The following GPR89A variants were observed in gnomAD, a reference collection of about 807,000 sequenced individuals.
GPR89A encodes G protein-coupled receptor 89A.
Under a neutral mutation model 52.0 loss-of-function variants are expected in GPR89A, and 16 were observed. The ratio of observed to expected loss-of-function variants is 0.31; its 90% confidence interval spans 0.21 to 0.47. GPR89A has a LOEUF of 0.47. GPR89A is among the 20% of genes least tolerant of loss of function. The pLI is 1.00. For missense variants in GPR89A, 135 were observed against 449.4 expected (o/e 0.30, Z 6.33); for synonymous variants, 55 against 150.9 (o/e 0.36, Z 4.66).
rs1208945683 is a variant in GPR89A at position 145,659,476 on chromosome 1, C to T, written c.910-3853C>T. Among the ~76,000 whole-genome samples the T allele has an allele frequency of 2.5e-4, 38 of 151,936 alleles. 2 individuals carry two copies. In the Middle Eastern group the frequency reaches 0.014, roughly 54 times the overall value. On this transcript the variant is annotated intron_variant, in intron 10 of 13. Transcript: ENST00000313835. ...CTAGGATTACAGGCATGAGCCACTG[C>T]GACCGGCCTATGTTTAACCTTTTAA... is the stretch of plus-strand genomic sequence containing the variant.
intron 7 of GPR89A, among the ~76,000 whole-genome samples, chr1:145,642,924 C>T (rs1553691958): frequency 6.6e-6 from 1 of 152,066 alleles, no homozygotes; most frequent in African/African-American, 2.4e-5. Context: ...CGGTCCTCCA[C>T]AGACTGAGAG....
At chr1:145,609,061 C>A (rs1648056079) in intron 1 of GPR89A, among the ~76,000 whole-genome samples, 1 of 152,194 alleles carries the variant, frequency 6.6e-6, no homozygotes, top group Non-Finnish European at 1.5e-5. Flanking sequence ...TGCAGGCATT[C>A]AATAAATAAT....
At chr1:145,614,301 C>T (rs1349205002) in intron 1 of GPR89A, among the ~76,000 whole-genome samples, 2 of 152,034 alleles carry the variant, frequency 1.3e-5, no homozygotes, top group African/African-American at 4.8e-5. Flanking sequence ...GTTTGGTCTC[C>T]CTCTTTCATA....
chr1:145,628,172 C>T (rs2101763773), intron 5 of GPR89A, among the ~76,000 whole-genome samples: 1 of 151,528 alleles, frequency 6.6e-6, no homozygotes, highest in South Asian at 2.1e-4. Context: ...GGAATCTAAA[C>T]AACTAGAAAT....
At chr1:145,608,340 T>A in intron 1 of GPR89A, 165 bp downstream of exon 1, 1 of 1,144,712 alleles carries the variant, frequency 8.7e-7, no homozygotes, top group Non-Finnish European at 1.3e-6. Flanking sequence ...TGCGGCCGGT[T>A]CCCTCAGCCC....
intron 10 of GPR89A, among the ~76,000 whole-genome samples, chr1:145,649,840 T>C (rs1462776869): frequency 3.3e-5 from 5 of 151,994 alleles, no homozygotes; most frequent in African/African-American, 1.2e-4. Flanking sequence ...TATTAGACAT[T>C]CTAATAGATA....
At chr1:145,668,438 C>A (rs1652725781) in intron 12 of GPR89A, among the ~76,000 whole-genome samples, 3 of 152,160 alleles carry the variant, frequency 2.0e-5, no homozygotes, top group African/African-American at 4.8e-5. Context: ...TGAGACTTTG[C>A]TGAAGTTGCT....
intron 10 of GPR89A, among the ~76,000 whole-genome samples, chr1:145,660,621 C>A (rs1424143814): frequency 6.6e-6 from 1 of 152,040 alleles, no homozygotes; most frequent in Non-Finnish European, 1.5e-5. Context: ...AAAAAACAAA[C>A]AACCCCATCA....
rs1225558699 is a variant in GPR89A, at chr1:145,667,174, A to G, written c.1095+1523A>G. On this transcript the variant is annotated intron_variant, in intron 12 of 13. Transcript: ENST00000313835. ...AGGAATTGCCACACTGCCTTCCACA[A>G]TGGTTGAACTAGTTTACAGTCCCAC... Among the ~76,000 whole-genome samples, 7 of 152,278 alleles carry G rather than the reference A, an allele frequency of 4.6e-5. No homozygotes were observed. The Middle Eastern group carries it at 0.014, about 296-fold the overall frequency.
chr1:145,667,859 T>C (rs199549852), intron 12 of GPR89A, among the ~76,000 whole-genome samples: 89 of 151,036 alleles, frequency 5.9e-4, no homozygotes, highest in East Asian at 4.9e-3. Flanking sequence ...TTTTGTCAGG[T>C]TTGTCAAAGA....
intron 7 of GPR89A, among the ~76,000 whole-genome samples, chr1:145,641,172 A>G (rs1288461989): frequency 6.6e-6 from 1 of 151,084 alleles, no homozygotes; most frequent in African/African-American, 2.5e-5. Flanking sequence ...TTATCCAGAG[A>G]AATGAAGATT....
chr1:145,625,349 T>TTTTTTTTC (rs1399275028), intron 5 of GPR89A, among the ~76,000 whole-genome samples: 1 of 58,672 alleles, frequency 1.7e-5, no homozygotes, highest in African/African-American at 7.5e-5. Context: ...GTTTCTTTTT[T>TTTTTTTTC]TTTTTCTTTT....
At chr1:145,610,475 G>C (rs1241658516) in intron 1 of GPR89A, among the ~76,000 whole-genome samples, 2 of 152,054 alleles carry the variant, frequency 1.3e-5, no homozygotes, top group African/African-American at 4.8e-5. Context: ...TTTCCACACA[G>C]TGTGTTTTCT....
At chr1:145,643,155 T>G (rs1307035990) in intron 7 of GPR89A, among the ~76,000 whole-genome samples, 4 of 151,176 alleles carry the variant, frequency 2.6e-5, no homozygotes, top group Non-Finnish European at 5.9e-5. Context: ...AGCTGGTTTT[T>G]TTTGTTTGTT....
At chr1:145,629,900 G>GC (rs1341264891) in intron 5 of GPR89A, among the ~76,000 whole-genome samples, 2 of 152,282 alleles carry the variant, frequency 1.3e-5, no homozygotes, top group African/African-American at 4.8e-5. Context: ...TATAGCTCTG[G>GC]CATTTGACCA....
chr1:145,645,391 T>C, intron 8 of GPR89A: 1 of 357,206 alleles, frequency 2.8e-6, no homozygotes, highest in South Asian at 2.1e-5. Flanking sequence ...TTTACTATGT[T>C]TATTACTTAA....
Position 145,608,148 on chromosome 1 carries a change from C to T in GPR89A, c.15C>T (p.Ile5=), listed in dbSNP as rs372185359. The change falls in exon 1 of 14, where the codon ATC becomes ATT. Residue 5 remains isoleucine, a synonymous_variant. Coordinates refer to ENST00000313835, the MANE Select transcript of GPR89A (RefSeq NM_001097612.2). ...TACACTTCGCCATGAGTTTCCTCAT[C>T]GACTCCAGCATCATGATTACCTCCC... MSFL[I]DSSIMITSQI... is the part of the protein sequence containing the mutation. The T allele has an allele frequency of 4.3e-6, 7 of 1,613,446 alleles. No homozygotes were observed. The highest frequency in any genetic ancestry group is 1.7e-5 in the Admixed American group (1 of 60,008).
chr1:145,652,307 C>T (rs1331121054), intron 10 of GPR89A, among the ~76,000 whole-genome samples: 1 of 152,120 alleles, frequency 6.6e-6, no homozygotes. Flanking sequence ...TTTACTGATT[C>T]GTGTATGTTG....
intron 1 of GPR89A, among the ~76,000 whole-genome samples, chr1:145,610,291 T>C (rs1553685889): frequency 6.6e-6 from 1 of 152,006 alleles, no homozygotes. Context: ...GGTCACGTAT[T>C]CAATCTTGCT....
Sources: allele counts gnomAD v4.1 joint callset (sites outside exome capture counted in the v4.1 genomes callset), GRCh38; gene constraint gnomAD v4.1.1; transcripts MANE v1.5; gene names NCBI Gene and HGNC (gene_info 2026-07-23, HGNC 2026-07-21).